Variants in LARS2 observed in about 807,000 individuals in gnomAD.
The protein encoded by LARS2 is leucine--tRNA ligase, mitochondrial.
A neutral mutation model predicts 116.6 loss-of-function variants in LARS2; 81 were observed. That is an observed-to-expected ratio of 0.69 (90% CI 0.58 to 0.84). The LOEUF (loss-of-function observed/expected upper bound fraction) is 0.84. Ranked by LOEUF, LARS2 falls within the 40% of genes least tolerant of loss-of-function variation. The pLI is 0.00. For synonymous variants in LARS2, 396 were observed against 407.2 expected, an observed-to-expected ratio of 0.97 and a Z score of 0.33; for missense variants, 968 against 1,114.5, an observed-to-expected ratio of 0.87 and a Z score of 1.87.
At chr3:45,454,513 C>T (rs375514222) in intron 7 of LARS2, among the ~76,000 whole-genome samples, 5 of 152,178 alleles carry the variant, frequency 3.3e-5, no homozygotes, top group East Asian at 1.9e-4. Context: ...TGGGTAAAAT[C>T]GACCCAGAGC....
chr3:45,409,814 A>T (rs9878496), intron 4 of LARS2, among the ~76,000 whole-genome samples: 3,343 of 152,210 alleles, frequency 0.022, 112 homozygotes, highest in African/African-American at 0.077. Context: ...CCACAATCTG[A>T]TTCTGTTATT....
At chr3:45,520,506 T>TC (rs1261204616) in intron 19 of LARS2, among the ~76,000 whole-genome samples, 10 of 152,210 alleles carry the variant, frequency 6.6e-5, no homozygotes, top group Middle Eastern at 3.4e-3. Context: ...AACCCCCTTC[T>TC]CCCCCAATAT....
intron 4 of LARS2, among the ~76,000 whole-genome samples, chr3:45,411,085 G>A (rs1309931768): frequency 6.6e-6 from 1 of 152,108 alleles, no homozygotes; most frequent in East Asian, 1.9e-4. Context: ...GCACTGCGGG[G>A]ATCTAACTCA....
intron 21 of LARS2, among the ~76,000 whole-genome samples, chr3:45,543,257 GTTA>G (rs1021338089): frequency 6.6e-6 from 1 of 151,716 alleles, no homozygotes; most frequent in Admixed American, 6.6e-5. Flanking sequence ...TTTCTTTATT[GTTA>G]TTATTATTAA....
At chr3:45,437,110 A>G (rs574335678) in intron 6 of LARS2, among the ~76,000 whole-genome samples, 1 of 152,340 alleles carries the variant, frequency 6.6e-6, no homozygotes, top group African/African-American at 2.4e-5. Flanking sequence ...TTTCCTTGCC[A>G]TCAATACTCA....
intron 4 of LARS2, among the ~76,000 whole-genome samples, chr3:45,417,084 A>C (rs1698435328): frequency 3.2e-5 from 3 of 92,512 alleles, no homozygotes; most frequent in Admixed American, 1.9e-4. Flanking sequence ...AAAAAAAAAA[A>C]AACAAAAAAA....
intron 4 of LARS2, among the ~76,000 whole-genome samples, chr3:45,412,627 G>A (rs1698349006): frequency 6.6e-6 from 1 of 152,214 alleles, no homozygotes; most frequent in Non-Finnish European, 1.5e-5. Context: ...CAGGATGGGT[G>A]TGGATGCAGG....
intron 6 of LARS2, among the ~76,000 whole-genome samples, chr3:45,422,613 A>G (rs187917544): frequency 6.6e-6 from 1 of 152,316 alleles, no homozygotes; most frequent in Non-Finnish European, 1.5e-5. Flanking sequence ...TAATAGACCA[A>G]GTTATTTCGT....
At chr3:45,440,412 G>A (rs1305355591) in intron 6 of LARS2, among the ~76,000 whole-genome samples, 1 of 152,146 alleles carries the variant, frequency 6.6e-6, no homozygotes, top group African/African-American at 2.4e-5. Context: ...ACTCTCCTCT[G>A]TTTCCAAGAC....
intron 21 of LARS2, among the ~76,000 whole-genome samples, chr3:45,542,789 A>G (rs529116600): frequency 3.3e-5 from 5 of 152,384 alleles, no homozygotes; most frequent in African/African-American, 1.2e-4. Flanking sequence ...CTGACTCTAC[A>G]TCAGGCATAG....
At chr3:45,433,267 A>G (rs755122712) in intron 6 of LARS2, among the ~76,000 whole-genome samples, 1 of 152,072 alleles carries the variant, frequency 6.6e-6, no homozygotes, top group Non-Finnish European at 1.5e-5. Context: ...TTATTGATCT[A>G]TTAAGACTTA....
intron 6 of LARS2, among the ~76,000 whole-genome samples, chr3:45,427,160 G>C (rs947783526): frequency 1.3e-5 from 2 of 152,162 alleles, no homozygotes; most frequent in Non-Finnish European, 1.5e-5. Context: ...TTCTACATCA[G>C]CCAGGTACAA....
At chr3:45,540,120 A>G (rs1444144245) in intron 20 of LARS2, among the ~76,000 whole-genome samples, 1 of 151,852 alleles carries the variant, frequency 6.6e-6, no homozygotes, top group Non-Finnish European at 1.5e-5. Flanking sequence ...TTAGCCAGGC[A>G]TGGTGGCAGG....
At chr3:45,482,897 T>C (rs1273027762) in intron 10 of LARS2, among the ~76,000 whole-genome samples, 1 of 152,166 alleles carries the variant, frequency 6.6e-6, no homozygotes, top group Non-Finnish European at 1.5e-5. Context: ...TCCTTCTCTG[T>C]GTTTCTAAGT....
intron 8 of LARS2, among the ~76,000 whole-genome samples, chr3:45,471,929 C>T (rs1006323621): frequency 6.6e-6 from 1 of 152,168 alleles, no homozygotes; most frequent in African/African-American, 2.4e-5. Flanking sequence ...GCTACAATGA[C>T]ATCGAGGCAT....
At chr3:45,530,215 T>C (rs746000267) in intron 20 of LARS2, among the ~76,000 whole-genome samples, 12 of 152,224 alleles carry the variant, frequency 7.9e-5, no homozygotes, top group African/African-American at 1.2e-4. Flanking sequence ...TTTTTTAACA[T>C]ATAAACTTTT....
At chr3:45,396,088 T>A (rs893931822) in intron 3 of LARS2, among the ~76,000 whole-genome samples, 1 of 152,262 alleles carries the variant, frequency 6.6e-6, no homozygotes, top group Non-Finnish European at 1.5e-5. Context: ...AATGTTTTGA[T>A]GTTGTAGCTT....
At chr3:45,501,558 T>C (rs1700122065) in intron 15 of LARS2, among the ~76,000 whole-genome samples, 1 of 152,186 alleles carries the variant, frequency 6.6e-6, no homozygotes, top group Non-Finnish European at 1.5e-5. Flanking sequence ...ACTTCCAAAA[T>C]AGAACTCAGT....
intron 6 of LARS2, among the ~76,000 whole-genome samples, chr3:45,436,647 A>G (rs976810043): frequency 5.3e-5 from 8 of 150,816 alleles, no homozygotes; most frequent in African/African-American, 9.8e-5. Flanking sequence ...ACAAAAAATT[A>G]GCCGGGCGCG....
Sources: gnomAD v4.1 joint callset for allele counts (sites outside exome capture counted in the v4.1 genomes callset) on GRCh38, gnomAD v4.1.1 for gene constraint, MANE v1.5 for transcripts, NCBI Gene and HGNC (gene_info 2026-07-23, HGNC 2026-07-21) for gene names.